Variants in DLG2 observed in about 807,000 individuals in gnomAD.
DLG2 encodes the protein discs large MAGUK scaffold protein 2.
A neutral mutation model predicts 132.5 loss-of-function variants in DLG2; 45 were observed. That is an observed-to-expected ratio of 0.34 (90% CI 0.27 to 0.44). The LOEUF (loss-of-function observed/expected upper bound fraction) is 0.44, where lower values mean the gene tolerates loss of function less well. DLG2 is among the 20% of genes least tolerant of loss of function. The pLI is 1.00. For synonymous variants in DLG2, 424 were observed against 419.6 expected (o/e 1.01, Z -0.13); for missense variants, 1,045 against 1,196.9 (o/e 0.87, Z 1.87).
Position 85,433,816 on chromosome 11 carries a change from A to T in DLG2, c.41-148451T>A, listed in dbSNP as rs537813642. 2.0e-5 allele frequency among the ~76,000 whole-genome samples: 3 copies of T among 152,322 alleles called. No individual in the cohort carries two copies. The East Asian group carries it at 5.8e-4, about 29-fold the overall frequency. On this transcript the variant is annotated intron_variant, in intron 3 of 27. Transcript: ENST00000376104. Reference sequence around the variant, plus strand: ...TTGAACTCAGCTCTGGATCAAGTGGACCTAATAAATAGCTACAGAAATCTC... The same window carrying T: ...TTGAACTCAGCTCTGGATCAAGTGGTCCTAATAAATAGCTACAGAAATCTC...
rs375866162 is a variant in DLG2 at position 83,874,313 on chromosome 11, A to AAGGG, written c.1565+103_1565+106dup. ...GAAGGGAGGAAGGAAGGAAAGAAGG[A>AAGGG]AGGGAGGGAGGGAGGGAAGGAGAAA... On this transcript the variant is annotated intron_variant, in intron 16 of 27. Coordinates refer to ENST00000376104, the MANE Select transcript of DLG2 (RefSeq NM_001142699.3). 13 of 593,764 alleles carry AAGGG rather than the reference A, an allele frequency of 2.2e-5. No individual in the cohort carries two copies. The East Asian group carries it at 4.2e-4, about 19-fold the overall frequency. 36.8% of individuals were successfully genotyped at this position (593,764 alleles called of 1,614,324 possible). A position where few individuals can be genotyped will look rare whatever the true frequency, so the allele number is the denominator to read the frequency against.
At chr11:85,351,423 C>T (rs765360032) in intron 3 of DLG2, among the ~76,000 whole-genome samples, 3 of 152,176 alleles carry the variant, frequency 2.0e-5, no homozygotes, top group Non-Finnish European at 4.4e-5. Context: ...GCCTGATTGC[C>T]CTGGCAAGAA....
intron 19 of DLG2, among the ~76,000 whole-genome samples, chr11:83,607,021 C>T (rs2059445112): frequency 6.6e-6 from 1 of 152,240 alleles, no homozygotes; most frequent in African/African-American, 2.4e-5. Context: ...GGGCAGCCTC[C>T]TGAGACACAG....
chr11:83,930,635 C>A, intron 14 of DLG2, 152 bp from the exon 15 acceptor site: 1 of 776,960 alleles, frequency 1.3e-6, no homozygotes, highest in South Asian at 2.1e-5. Context: ...CCACTTGTAA[C>A]TTTTCTTATA....
intron 7 of DLG2, among the ~76,000 whole-genome samples, chr11:84,422,679 T>C (rs1213656412): frequency 1.3e-5 from 2 of 152,174 alleles, no homozygotes; most frequent in Non-Finnish European, 1.5e-5. Context: ...AATTAATATA[T>C]ACTAAGGAAG....
At chr11:85,235,358 T>A (rs1179507243) in intron 4 of DLG2, among the ~76,000 whole-genome samples, 1 of 151,980 alleles carries the variant, frequency 6.6e-6, no homozygotes, top group East Asian at 1.9e-4. Context: ...TGTCCTTTCA[T>A]CCATCCTTTC....
chr11:84,565,966 T>TTG (rs2099453181), intron 6 of DLG2, among the ~76,000 whole-genome samples: 2 of 151,386 alleles, frequency 1.3e-5, no homozygotes, highest in Non-Finnish European at 2.9e-5. Flanking sequence ...TGAAGTTTTT[T>TTG]TTTTTTTTTT....
At chr11:85,214,039 T>TAA (rs2082416665) in intron 4 of DLG2, among the ~76,000 whole-genome samples, 1 of 152,122 alleles carries the variant, frequency 6.6e-6, no homozygotes, top group African/African-American at 2.4e-5. Context: ...CTCCTTCTCA[T>TAA]TATAGTAGGT....
chr11:85,592,816 G>A lies in DLG2; in HGVS notation c.40+5841C>T, dbSNP rs1332079352. The stretch of plus-strand genomic sequence containing the variant: ...AAAAATTCAAAAATTAGCCAGGCAT[G>A]ACTGCGCATACCAGTAGTCCCAGGT... On this transcript the variant is annotated intron_variant, in intron 3 of 27. Coordinates refer to ENST00000376104, the MANE Select transcript of DLG2 (RefSeq NM_001142699.3). 2.6e-5 allele frequency among the ~76,000 whole-genome samples: 4 copies of A among 152,096 alleles called. No homozygotes were observed. In the East Asian group the frequency reaches 5.8e-4, roughly 22 times the overall value.
At chr11:85,485,850 G>A (rs1382087259) in intron 3 of DLG2, among the ~76,000 whole-genome samples, 2 of 152,186 alleles carry the variant, frequency 1.3e-5, no homozygotes, top group Non-Finnish European at 2.9e-5. Flanking sequence ...GTGCCATCCT[G>A]AGAACTTTGC....
At chr11:83,982,889 G>A (rs189253816) in intron 11 of DLG2, among the ~76,000 whole-genome samples, 17 of 152,104 alleles carry the variant, frequency 1.1e-4, no homozygotes, top group East Asian at 5.8e-4. Flanking sequence ...AATAGTTATC[G>A]TTGTTTTGCA....
At chr11:85,510,883 A>G (rs1246593961) in intron 3 of DLG2, among the ~76,000 whole-genome samples, 1 of 152,200 alleles carries the variant, frequency 6.6e-6, no homozygotes, top group South Asian at 2.1e-4. Flanking sequence ...TATACACCCA[A>G]AGGATTATAA....
chr11:84,783,814 T>C (rs977860841), intron 6 of DLG2, among the ~76,000 whole-genome samples: 1 of 152,102 alleles, frequency 6.6e-6, no homozygotes, highest in African/African-American at 2.4e-5. Flanking sequence ...CAAATAATTA[T>C]TGGTATCTGT....
At chr11:83,899,516 T>C (rs1473682929) in intron 15 of DLG2, among the ~76,000 whole-genome samples, 1 of 152,150 alleles carries the variant, frequency 6.6e-6, no homozygotes, top group East Asian at 1.9e-4. Context: ...TGGTGGGAGA[T>C]AAATGAATCA....
chr11:83,939,541 A>C (rs1266881173), intron 14 of DLG2, among the ~76,000 whole-genome samples: 2 of 152,192 alleles, frequency 1.3e-5, no homozygotes, highest in Non-Finnish European at 2.9e-5. Context: ...AATATCACCT[A>C]CAATTTCTTT....
intron 7 of DLG2, among the ~76,000 whole-genome samples, chr11:84,441,665 T>C (rs2099017664): frequency 6.6e-6 from 1 of 152,178 alleles, no homozygotes; most frequent in South Asian, 2.1e-4. Flanking sequence ...ATGTAAACAA[T>C]GCTTTTCCAC....
chr11:83,936,192 G>A (rs575227419), intron 14 of DLG2, among the ~76,000 whole-genome samples: 1 of 152,350 alleles, frequency 6.6e-6, no homozygotes, highest in South Asian at 2.1e-4. Flanking sequence ...CTACAAGAGG[G>A]TTGAACCAAG....
intron 27 of DLG2, among the ~76,000 whole-genome samples, chr11:83,461,152 G>A (rs1039520343): frequency 3.3e-5 from 5 of 151,944 alleles, no homozygotes; most frequent in African/African-American, 4.8e-5. Flanking sequence ...GGGATTACAG[G>A]TGCCTGCCAC....
intron 7 of DLG2, among the ~76,000 whole-genome samples, chr11:84,508,001 A>G (rs774644999): frequency 9.2e-5 from 14 of 152,188 alleles, no homozygotes; most frequent in Non-Finnish European, 2.9e-5. Context: ...GATTTCTTTG[A>G]TAGAGACACA....
Sources: allele counts gnomAD v4.1 joint callset (sites outside exome capture counted in the v4.1 genomes callset), GRCh38; gene constraint gnomAD v4.1.1; transcripts MANE v1.5; gene names NCBI Gene and HGNC (gene_info 2026-07-23, HGNC 2026-07-21).